The following ZNF727 variants were observed in gnomAD, a reference collection of about 807,000 sequenced individuals.
ZNF727 encodes zinc finger protein 727, also known as putative zinc finger protein 727.
Under a neutral mutation model 11.5 loss-of-function variants are expected in ZNF727, and 11 were observed. That is an observed-to-expected ratio of 0.95 (90% CI 0.60 to 1.58). The LOEUF (loss-of-function observed/expected upper bound fraction) is 1.58. Ranked by LOEUF, ZNF727 falls within the 40% of genes most tolerant of loss-of-function variation. The pLI, the probability that ZNF727 is intolerant of heterozygous loss-of-function variation, is 0.00. For synonymous variants in ZNF727, 171 were observed against 196.1 expected (o/e 0.87, Z 1.07); for missense variants, 533 against 581.7 (o/e 0.92, Z 0.86).
chr7:64,058,950 C>CTTTTTTTTTTTTTTTTTTTTTTTTTTT (rs560995822), intron 1 of ZNF727, among the ~76,000 whole-genome samples: 1 of 145,386 alleles, frequency 6.9e-6, no homozygotes, highest in Non-Finnish European at 1.5e-5. Context: ...ATTGCATTGT[C>CTTTTTTTTTTTTTTTTTTTTTTTTTTT]TTTTTTTTTT....
chr7:64,056,754 T>C (rs532990303), intron 1 of ZNF727, among the ~76,000 whole-genome samples: 1 of 152,318 alleles, frequency 6.6e-6, no homozygotes, highest in Non-Finnish European at 1.5e-5. Flanking sequence ...CAAAACTACT[T>C]AGTCACTCTC....
At chr7:64,051,167 A>G (rs913453672) in intron 1 of ZNF727, among the ~76,000 whole-genome samples, 6 of 152,192 alleles carry the variant, frequency 3.9e-5, no homozygotes, top group African/African-American at 4.8e-5. Flanking sequence ...AGTTTCCATT[A>G]CACTCTAAAC....
In ZNF727 at chr7:64,068,807, C is replaced by T. The variant is rs1425960109; in HGVS notation, c.4-84C>T. The T allele has an allele frequency of 3.4e-6, 5 of 1,475,876 alleles. No homozygotes were observed. The Admixed American group carries it at 1.0e-4, about 30-fold the overall frequency. 91.4% of individuals were successfully genotyped at this position (1,475,876 alleles called of 1,614,324 possible). ...CTCCAGTAACTCATATAAGTCAGAA[C>T]CAGCTCTCTTTACTCTCATTTTACC... On this transcript the variant is annotated intron_variant, in intron 1 of 3. Transcript: ENST00000456806.
intron 1 of ZNF727, among the ~76,000 whole-genome samples, chr7:64,051,374 C>T (rs758348685): frequency 1.3e-5 from 2 of 152,074 alleles, no homozygotes; most frequent in Non-Finnish European, 1.5e-5. Context: ...ATTTTCAGGT[C>T]GTATTTTCTA....
chr7:64,053,522 T>C (rs1158278864), intron 1 of ZNF727, among the ~76,000 whole-genome samples: 1 of 152,118 alleles, frequency 6.6e-6, no homozygotes, highest in African/African-American at 2.4e-5. Context: ...GGTTTCACCA[T>C]GTTGGTCAGG....
intron 3 of ZNF727, among the ~76,000 whole-genome samples, chr7:64,073,402 A>G (rs76321047): frequency 0.065 from 9,932 of 151,668 alleles, 390 homozygotes; most frequent in African/African-American, 0.098. Context: ...TGACTCTACA[A>G]AATTTTTCAA....
chr7:64,070,193 C>T (rs1789939247), intron 3 of ZNF727, among the ~76,000 whole-genome samples: 1 of 152,018 alleles, frequency 6.6e-6, no homozygotes, highest in Admixed American at 6.6e-5. Context: ...ATGAAACAAA[C>T]TCTAAAATAG....
At chr7:64,062,769 G>A (rs1229535804) in intron 1 of ZNF727, among the ~76,000 whole-genome samples, 1 of 141,688 alleles carries the variant, frequency 7.1e-6, no homozygotes, top group Non-Finnish European at 1.5e-5. Context: ...CCTCTTGAAG[G>A]CCATAACTTT....
rs111317215 is a variant in ZNF727, at chr7:64,081,630, G to C, written c.*3081G>C. Among the ~76,000 whole-genome samples the C allele has an allele frequency of 1.1e-4, 17 of 152,230 alleles. No homozygotes were observed. Among genetic ancestry groups the C allele is most frequent in the Non-Finnish European group, 1.9e-4 (13 of 67,994 alleles). On this transcript the variant is annotated 3_prime_UTR_variant, in exon 4 of 4. Transcript: ENST00000456806. ...CAGATGCTATGGTATGGGCTCCTAG[G>C]GTACCTGAGACTGCCCTGTAAGCAG...
At chr7:64,075,848 C>T (rs1785640068) in intron 3 of ZNF727, among the ~76,000 whole-genome samples, 1 of 152,136 alleles carries the variant, frequency 6.6e-6, no homozygotes, top group African/African-American at 2.4e-5. Flanking sequence ...ACCAATGTAA[C>T]AGACCTAGCC....
Position 64,077,448 on chromosome 7 carries a change from T to G in ZNF727, c.399T>G (p.Ile133Met). The stretch of plus-strand genomic sequence containing the variant: ...GGCAGAAAAGCAGTTATAATGGCAT[T>G]CATCAATGTTTGTCAGCTACCCGTA... ...CKGQKSSYNG[I>M]HQCLSATRSK... The change falls in exon 4 of 4, where the codon ATT becomes ATG. Residue 133 changes from isoleucine to methionine, a missense_variant. Around this residue, in one of 3 missense-constraint regions of ZNF727, gnomAD observed 463 missense variants for 494.5 expected, o/e 0.94. Coordinates refer to ENST00000456806, the MANE Select transcript of ZNF727 (RefSeq NM_001159522.3). The G allele has an allele frequency of 3.9e-6, 6 of 1,551,990 alleles. No individual in the cohort carries two copies. Among genetic ancestry groups the G allele is most frequent in the South Asian group, 1.2e-5 (1 of 84,058 alleles).
intron 3 of ZNF727, among the ~76,000 whole-genome samples, chr7:64,072,839 A>G (rs1167264414): frequency 2.0e-5 from 3 of 152,064 alleles, no homozygotes; most frequent in African/African-American, 7.2e-5. Context: ...GCAGGTTTTA[A>G]AACCCTCTCC....
intron 1 of ZNF727, among the ~76,000 whole-genome samples, chr7:64,048,218 A>T (rs1354054416): frequency 6.6e-6 from 1 of 152,228 alleles, no homozygotes; most frequent in African/African-American, 2.4e-5. Context: ...TTTCTAAGAG[A>T]AAAGAGGTAG....
At chr7:64,062,686 A>ATG (rs1491570192) in intron 1 of ZNF727, among the ~76,000 whole-genome samples, 2 of 51,252 alleles carry the variant, frequency 3.9e-5, no homozygotes, top group African/African-American at 1.4e-4. Context: ...TTGTACTTGA[A>ATG]TATATATATA....
chr7:64,077,599 T>A lies in ZNF727; in HGVS notation c.550T>A (p.Leu184Met), dbSNP rs1785697028. The A allele has an allele frequency of 6.4e-7, 1 of 1,551,464 alleles. No individual in the cohort carries two copies. Among genetic ancestry groups the A allele is most frequent in the Non-Finnish European group, 8.7e-7 (1 of 1,146,872 alleles). Reference protein sequence around the residue: ...KCEECGKDCRLSDFTIQKRIH... With the variant: ...KCEECGKDCRMSDFTIQKRIH... ...TGAAGAATGTGGCAAAGACTGTAGGTTGTCAGATTTTACCATACAGAAGAG... is the reference window on the plus strand; with the variant it reads ...TGAAGAATGTGGCAAAGACTGTAGGATGTCAGATTTTACCATACAGAAGAG... The change falls in exon 4 of 4, where the codon TTG becomes ATG. Residue 184 changes from leucine to methionine, a missense_variant. Physicochemically the swap from Leu to Met is conservative, Grantham distance 15. Coordinates refer to ENST00000456806, the MANE Select transcript of ZNF727 (RefSeq NM_001159522.3).
chr7:64,070,848 TC>T (rs1789949440), intron 3 of ZNF727, among the ~76,000 whole-genome samples: 3 of 152,090 alleles, frequency 2.0e-5, no homozygotes, highest in African/African-American at 7.2e-5. Flanking sequence ...TATTATATTC[TC>T]CATAGAGGTG....
intron 1 of ZNF727, among the ~76,000 whole-genome samples, chr7:64,052,227 C>T (rs1284194798): frequency 1.3e-5 from 2 of 152,112 alleles, no homozygotes; most frequent in African/African-American, 4.8e-5. Context: ...TCCAGCTTAG[C>T]TAAAAGTCTC....
chr7:64,045,487 A>T lies in ZNF727; in HGVS notation c.-135A>T. 8.1e-7 allele frequency: 1 copy of T among 1,242,150 alleles called. No individual in the cohort carries two copies. The highest frequency in any genetic ancestry group is 1.2e-6 in the Non-Finnish European group (1 of 866,258). The allele number at this position is 1,242,150 out of a possible 1,614,324, so 76.9% of individuals were successfully genotyped here. A position where few individuals can be genotyped will look rare whatever the true frequency, so the allele number is the denominator to read the frequency against. On this transcript the variant is annotated 5_prime_UTR_variant, in exon 1 of 4. Coordinates refer to ENST00000456806, the MANE Select transcript of ZNF727 (RefSeq NM_001159522.3). ...CTCCTAGCTTCTAGGCTCTGAGTCC[A>T]GTACCCGTCTGTACTATTCCATCTC...
In ZNF727 at chr7:64,078,535, C is replaced by A; in HGVS notation, c.1486C>A (p.Leu496Ile). 6.4e-7 allele frequency: 1 copy of A among 1,558,056 alleles called. No homozygotes were observed. Among genetic ancestry groups the A allele is most frequent in the Non-Finnish European group, 8.7e-7 (1 of 1,150,996 alleles). Residue 496 changes from leucine (L) to isoleucine (I), a missense_variant, in exon 4 of 4, where the codon CTA becomes ATA. Leu to Ile is a conservative substitution (Grantham distance 5, BLOSUM62 2). Coordinates refer to ENST00000456806, the MANE Select transcript of ZNF727 (RefSeq NM_001159522.3). ...GCCTTTAGGTGGTTCTCAGACCTTACTAAACATAAGGTAATTCATACTGGA... is the reference window on the plus strand; with the variant it reads ...GCCTTTAGGTGGTTCTCAGACCTTAATAAACATAAGGTAATTCATACTGGA... ...AKPLGGSQTL[L>I]NIR
Sources: allele counts gnomAD v4.1 joint callset (sites outside exome capture counted in the v4.1 genomes callset), GRCh38; gene constraint gnomAD v4.1.1; regional missense constraint gnomAD v4.1.1; transcripts MANE v1.5; gene names NCBI Gene and HGNC (gene_info 2026-07-23, HGNC 2026-07-21).